The following WDPCP variants were observed in gnomAD, a reference collection of about 807,000 sequenced individuals.
The protein encoded by WDPCP is WD repeat containing planar cell polarity effector.
A neutral mutation model predicts 93.1 loss-of-function variants in WDPCP; 71 were observed. The observed-to-expected ratio is 0.76, with a 90% CI of 0.63 to 0.93. The LOEUF (loss-of-function observed/expected upper bound fraction) is 0.93. WDPCP is among the 40% of genes least tolerant of loss of function. The pLI is 0.00. For synonymous variants in WDPCP, 315 were observed against 315.0 expected (o/e 1.00, Z 0.00); for missense variants, 844 against 887.4 (o/e 0.95, Z 0.62).
intron 2 of WDPCP, among the ~76,000 whole-genome samples, chr2:63,794,377 C>G (rs1670586510): frequency 6.6e-6 from 1 of 152,172 alleles, no homozygotes; most frequent in Non-Finnish European, 1.5e-5. Flanking sequence ...CATGCTTAAA[C>G]CAAGTAGCAC....
At chr2:63,672,072 T>C (rs1249451037) in intron 2 of WDPCP, among the ~76,000 whole-genome samples, 1 of 152,212 alleles carries the variant, frequency 6.6e-6, no homozygotes, top group African/African-American at 2.4e-5. Context: ...TTAACATGTA[T>C]GATCTCTACA....
chr2:63,642,006 A>G (rs191289422), intron 3 of WDPCP, among the ~76,000 whole-genome samples: 1 of 152,276 alleles, frequency 6.6e-6, no homozygotes, highest in East Asian at 1.9e-4. Flanking sequence ...TTTCTTCTGC[A>G]TATGAATATG....
chr2:63,838,634 T>A, the WDPCP span, among the ~76,000 whole-genome samples: 2 of 152,102 alleles, frequency 1.3e-5, no homozygotes, highest in Non-Finnish European at 2.9e-5. Context: ...AGATTTCTAA[T>A]GATACAGATT....
At chr2:63,588,924 G>A, upstream of WDPCP, 4 of 1,389,594 alleles carry the variant, frequency 2.9e-6, no homozygotes, top group Non-Finnish European at 3.1e-6. Context: ...GCCGCGTCGG[G>A]AGCGGAGCCT....
Position 63,575,489 on chromosome 2 carries a change from A to ACTGTATATACACT in WDPCP, c.75+12707_75+12708insAGTGTATATACAG, listed in dbSNP as rs1257278044. 8.7e-4 allele frequency among the ~76,000 whole-genome samples: 15 copies of ACTGTATATACACT among 17,282 alleles called. 4 individuals are homozygous for ACTGTATATACACT. The highest frequency in any genetic ancestry group is 2.1e-3 in the Admixed American group (3 of 1,406). 11.3% of individuals were successfully genotyped at this position (17,282 alleles called of 152,430 possible). A position where few individuals can be genotyped will look rare whatever the true frequency, so the allele number is the denominator to read the frequency against. On this transcript the variant is annotated intron_variant, in intron 1 of 17. Coordinates refer to ENST00000272321, the MANE Select transcript of WDPCP (RefSeq NM_015910.7). ...TATGCAGTATATACAGTGTATATAT[A>ACTGTATATACACT]GTATATACAGTATATACACTGTATA...
intron 12 of WDPCP, among the ~76,000 whole-genome samples, chr2:63,332,513 A>G (rs1215266113): frequency 6.6e-6 from 1 of 152,108 alleles, no homozygotes; most frequent in East Asian, 1.9e-4. Context: ...TTCATGTGCT[A>G]CCTAGACATC....
chr2:63,384,950 A>G (rs907754714), intron 10 of WDPCP, among the ~76,000 whole-genome samples: 4 of 152,076 alleles, frequency 2.6e-5, no homozygotes, highest in African/African-American at 9.7e-5. Context: ...CAAATCCAGC[A>G]ATATATTAAA....
At position 63,266,321 on chromosome 2, in the gene WDPCP, A is replaced by G. The variant is rs114805480; in HGVS notation, c.1813-6912T>C. On this transcript the variant is annotated intron_variant, in intron 13 of 17. Coordinates refer to ENST00000272321, the MANE Select transcript of WDPCP (RefSeq NM_015910.7). ...AAATTTGGTTGATTTTGCAGCTTAT[A>G]AAATCAGTAAAGTTGCAGGTTATAA... Among the ~76,000 whole-genome samples the G allele has an allele frequency of 6.8e-4, 104 of 152,354 alleles. 1 individual carries two copies. The highest frequency in any genetic ancestry group is 2.5e-3 in the African/African-American group (102 of 41,580).
At chr2:63,545,474 A>C (rs1705084468) in intron 1 of WDPCP, among the ~76,000 whole-genome samples, 1 of 152,122 alleles carries the variant, frequency 6.6e-6, no homozygotes, top group Non-Finnish European at 1.5e-5. Flanking sequence ...AAGGTATGCA[A>C]TCAAATCTTC....
intron 3 of WDPCP, among the ~76,000 whole-genome samples, chr2:63,641,161 A>G (rs1371936782): frequency 7.2e-5 from 11 of 152,096 alleles, no homozygotes; most frequent in African/African-American, 2.7e-4. Context: ...CATTCTTTTT[A>G]TAGCTAAATA....
intron 2 of WDPCP, among the ~76,000 whole-genome samples, chr2:63,491,175 G>A (rs1700851462): frequency 6.6e-6 from 1 of 151,986 alleles, no homozygotes; most frequent in African/African-American, 2.4e-5. Context: ...CTTGCTTCAT[G>A]GATTTAGTAT....
At chr2:63,456,244 C>G (rs1199418613) in intron 6 of WDPCP, among the ~76,000 whole-genome samples, 1 of 152,050 alleles carries the variant, frequency 6.6e-6, no homozygotes, top group East Asian at 1.9e-4. Context: ...CGGTGAAACC[C>G]CATCACTACT....
intron 14 of WDPCP, among the ~76,000 whole-genome samples, chr2:63,194,928 A>G (rs1675313336): frequency 6.6e-6 from 1 of 152,200 alleles, no homozygotes; most frequent in African/African-American, 2.4e-5. Flanking sequence ...GTATTTCAGT[A>G]GTAATCAGAT....
chr2:63,670,544 C>A (rs752267309), intron 2 of WDPCP, among the ~76,000 whole-genome samples: 3 of 151,980 alleles, frequency 2.0e-5, no homozygotes, highest in Non-Finnish European at 4.4e-5. Flanking sequence ...ACAGACAGAG[C>A]AAAATAGCAA....
chr2:63,246,063 C>T (rs1680248527), intron 14 of WDPCP, among the ~76,000 whole-genome samples: 1 of 152,188 alleles, frequency 6.6e-6, no homozygotes, highest in South Asian at 2.1e-4. Flanking sequence ...GATGAAACAT[C>T]ACTGTTTTTG....
intron 9 of WDPCP, among the ~76,000 whole-genome samples, chr2:63,427,022 G>C (rs982874354): frequency 6.6e-6 from 1 of 152,116 alleles, no homozygotes; most frequent in African/African-American, 2.4e-5. Flanking sequence ...AAAAAGGTTC[G>C]ATTCAACAAG....
Position 63,638,296 on chromosome 2 carries a change from TTCTC to T in WDPCP, n.488+12359_488+12362del, listed in dbSNP as rs947395725. 5.3e-5 allele frequency among the ~76,000 whole-genome samples: 8 copies of T among 151,286 alleles called. No individual in the cohort carries two copies. The South Asian group carries it at 1.5e-3, about 28-fold the overall frequency. ...TTGCTATGAGAGTACATCTTAAGCATTCTCTCTCTCTCATTCTCTCTCTCTCTCT... is the reference window on the plus strand; with the variant it reads ...TTGCTATGAGAGTACATCTTAAGCATTCTCTCTCATTCTCTCTCTCTCTCT... On this transcript the variant is annotated intron_variant and non_coding_transcript_variant, in intron 3 of 4. Transcript: ENST00000467687.
chr2:63,525,286 T>C (rs4671511), intron 1 of WDPCP, among the ~76,000 whole-genome samples: 34,395 of 152,040 alleles, frequency 0.23, 5,269 homozygotes, highest in East Asian at 0.72. Flanking sequence ...AAAACCTACC[T>C]ATTGGGTACT....
intron 11 of WDPCP, among the ~76,000 whole-genome samples, chr2:63,379,199 A>G (rs1486108463): frequency 6.6e-6 from 1 of 152,132 alleles, no homozygotes; most frequent in African/African-American, 2.4e-5. Flanking sequence ...TCATGGGACT[A>G]GGTTTTTTCC....
Sources: allele counts gnomAD v4.1 joint callset (sites outside exome capture counted in the v4.1 genomes callset), GRCh38; gene constraint gnomAD v4.1.1; transcripts MANE v1.5; gene names NCBI Gene and HGNC (gene_info 2026-07-23, HGNC 2026-07-21).